Variants in ASIC2 observed in about 807,000 individuals in gnomAD.
The protein encoded by ASIC2 is acid sensing ion channel subunit 2, also known as acid-sensing ion channel 2.
In ASIC2, 25 loss-of-function variants were observed where a neutral mutation model predicts 57.3. That is an observed-to-expected ratio of 0.44 (90% confidence interval 0.32 to 0.61). The LOEUF (loss-of-function observed/expected upper bound fraction) is 0.61, where lower values mean the gene tolerates loss of function less well. ASIC2 is among the 20% of genes least tolerant of loss of function. The pLI is 0.06. For synonymous variants in ASIC2, 319 were observed against 307.5 expected, an observed-to-expected ratio of 1.04 and a Z score of -0.39; for missense variants, 641 against 738.1, an observed-to-expected ratio of 0.87 and a Z score of 1.52.
intron 1 of ASIC2, among the ~76,000 whole-genome samples, chr17:33,926,157 T>A (rs1322855241): frequency 3.3e-5 from 5 of 152,110 alleles, no homozygotes; most frequent in Admixed American, 3.3e-4. Context: ...GAAGCAAAAA[T>A]ACTGTTATTT....
chr17:33,957,787 G>A (rs1211303583), intron 1 of ASIC2, among the ~76,000 whole-genome samples: 2 of 152,122 alleles, frequency 1.3e-5, no homozygotes, highest in African/African-American at 4.8e-5. Context: ...AACCAATCAT[G>A]CCTTCCCAAC....
intron 1 of ASIC2, among the ~76,000 whole-genome samples, chr17:34,031,524 C>T (rs8078318): frequency 0.01 from 1,527 of 152,214 alleles, 25 homozygotes; most frequent in African/African-American, 0.034. Flanking sequence ...ATGACTTTGA[C>T]GAGTTGAGAG....
chr17:33,580,848 A>C (rs1000561515), intron 1 of ASIC2, among the ~76,000 whole-genome samples: 2 of 152,220 alleles, frequency 1.3e-5, no homozygotes, highest in Non-Finnish European at 2.9e-5. Context: ...GGATACAAGC[A>C]CTACAAGTGT....
At chr17:33,340,363 A>T (rs1187763659) in intron 1 of ASIC2, among the ~76,000 whole-genome samples, 1 of 152,172 alleles carries the variant, frequency 6.6e-6, no homozygotes, top group Non-Finnish European at 1.5e-5. Flanking sequence ...CAAAGTAGGG[A>T]TGATAATTAT....
chr17:33,079,166 T>C (rs2092101862), intron 3 of ASIC2, among the ~76,000 whole-genome samples: 1 of 152,318 alleles, frequency 6.6e-6, no homozygotes, highest in African/African-American at 2.4e-5. Context: ...TAAGGCACCA[T>C]GTAAAATATG....
chr17:33,215,755 A>G (rs1215428097), intron 1 of ASIC2, among the ~76,000 whole-genome samples: 1 of 150,892 alleles, frequency 6.6e-6, no homozygotes, highest in Admixed American at 6.6e-5. Context: ...GCTGGAATGC[A>G]GTGGCGCGAT....
At chr17:33,087,725 A>ATT (rs112766148) in intron 3 of ASIC2, among the ~76,000 whole-genome samples, 24 of 141,120 alleles carry the variant, frequency 1.7e-4, no homozygotes, top group African/African-American at 3.6e-4. Context: ...ACCATGCCTA[A>ATT]TTTTTTTTTT....
intron 1 of ASIC2, among the ~76,000 whole-genome samples, chr17:33,143,367 C>T (rs769924673): frequency 6.6e-6 from 1 of 152,096 alleles, no homozygotes; most frequent in Non-Finnish European, 1.5e-5. Context: ...ATTATTACAC[C>T]CTTTAAAGCA....
chr17:34,075,222 T>C (rs578165028), intron 1 of ASIC2, among the ~76,000 whole-genome samples: 25 of 152,276 alleles, frequency 1.6e-4, no homozygotes, highest in Admixed American at 1.4e-3. Context: ...ATCCAGCTGA[T>C]TGAAACTCAG....
At chr17:33,022,883 G>A (rs983770479) in intron 6 of ASIC2, among the ~76,000 whole-genome samples, 2 of 152,174 alleles carry the variant, frequency 1.3e-5, no homozygotes, top group Admixed American at 1.3e-4. Flanking sequence ...AAAAATAACA[G>A]GAGAGCACCT....
At chr17:33,285,630 C>T (rs1905125514) in intron 1 of ASIC2, among the ~76,000 whole-genome samples, 1 of 152,230 alleles carries the variant, frequency 6.6e-6, no homozygotes, top group South Asian at 2.1e-4. Flanking sequence ...CCAGGACACA[C>T]CCTGCCTCCT....
chr17:33,756,787 T>C (rs1317342856), intron 1 of ASIC2, among the ~76,000 whole-genome samples: 1 of 152,170 alleles, frequency 6.6e-6, no homozygotes, highest in Non-Finnish European at 1.5e-5. Flanking sequence ...GAAGGAACAA[T>C]CTCCAGTGGA....
intron 1 of ASIC2, among the ~76,000 whole-genome samples, chr17:33,612,262 C>T (rs897105492): frequency 6.6e-6 from 1 of 152,084 alleles, no homozygotes. Context: ...ATCTGAGCAC[C>T]CTGTGGCCCA....
chr17:33,268,352 TCCA>T (rs776603110), intron 1 of ASIC2, among the ~76,000 whole-genome samples: 1 of 124,626 alleles, frequency 8.0e-6, no homozygotes, highest in African/African-American at 3.0e-5. Flanking sequence ...CATCCATCCA[TCCA>T]TCCATCCATC....
At chr17:33,865,333 T>G (rs1437287318) in intron 1 of ASIC2, among the ~76,000 whole-genome samples, 1 of 152,236 alleles carries the variant, frequency 6.6e-6, no homozygotes, top group Admixed American at 6.5e-5. Context: ...ATTACGACCC[T>G]GTTTCCTTCC....
chr17:33,390,238 A>G (rs1438122750), intron 1 of ASIC2, among the ~76,000 whole-genome samples: 1 of 152,010 alleles, frequency 6.6e-6, no homozygotes, highest in African/African-American at 2.4e-5. Flanking sequence ...ACTTGAACCC[A>G]GGAGCCGGAG....
chr17:33,829,517 T>G (rs961581666), intron 1 of ASIC2, among the ~76,000 whole-genome samples: 21 of 151,768 alleles, frequency 1.4e-4, no homozygotes, highest in African/African-American at 4.4e-4. Flanking sequence ...CTGGGGTTTT[T>G]GGGAAGATAG....
chr17:33,790,350 A>G (rs1482329477), intron 1 of ASIC2, among the ~76,000 whole-genome samples: 1 of 152,216 alleles, frequency 6.6e-6, no homozygotes, highest in Non-Finnish European at 1.5e-5. Context: ...AATTGTTATC[A>G]CAAAATTGTT....
At chr17:33,396,396 T>C (rs1002159616) in intron 1 of ASIC2, among the ~76,000 whole-genome samples, 6 of 152,232 alleles carry the variant, frequency 3.9e-5, no homozygotes, top group African/African-American at 1.2e-4. Flanking sequence ...TAGGCATACA[T>C]AGGCCTGTTA....
Sources: allele counts gnomAD v4.1 joint callset (sites outside exome capture counted in the v4.1 genomes callset), GRCh38; gene constraint gnomAD v4.1.1; transcripts MANE v1.5; gene names NCBI Gene and HGNC (gene_info 2026-07-23, HGNC 2026-07-21).